The following ITGB2 variants were observed in gnomAD, a reference collection of about 807,000 sequenced individuals.
ITGB2 encodes integrin subunit beta 2.
A neutral mutation model predicts 86.8 loss-of-function variants in ITGB2; 56 were observed. The observed-to-expected ratio is 0.65, with a 90% CI of 0.52 to 0.81. The LOEUF (loss-of-function observed/expected upper bound fraction) is 0.81, where lower values mean the gene tolerates loss of function less well. ITGB2 is among the 30% of genes least tolerant of loss of function. The pLI is 0.00. For synonymous variants in ITGB2, 457 were observed against 450.4 expected, an observed-to-expected ratio of 1.01 and a Z score of -0.19; for missense variants, 948 against 1,061.2, an observed-to-expected ratio of 0.89 and a Z score of 1.48.
chr21:44,910,631 G>A (rs756176129), intron 2 of ITGB2, 94 bp downstream of exon 2: 40 of 1,490,792 alleles, frequency 2.7e-5, no homozygotes, highest in African/African-American at 9.6e-5. Context: ...CCAGCCTCCC[G>A]GGAACTTCTG....
In ITGB2 at chr21:44,891,964, C is replaced by T. The variant is rs1453330150; in HGVS notation, c.1257G>A (p.Glu419=). 1 of 1,613,194 alleles carries T rather than the reference C, an allele frequency of 6.2e-7. No homozygotes were observed. Among genetic ancestry groups the T allele is most frequent in the Admixed American group, 1.7e-5 (1 of 60,022 alleles). Residue 419 remains glutamate (E), a synonymous_variant, in exon 11 of 16, where the codon GAG becomes GAA. Transcript: ENST00000652462. ...TGACAAACGACTGCTCCTGGATGCACTCTGTGGCCGTGACCTTCACCTGGA... is the reference window on the plus strand; with the variant it reads ...TGACAAACGACTGCTCCTGGATGCATTCTGTGGCCGTGACCTTCACCTGGA... ...ITFQVKVTAT[E]CIQEQSFVIR... is the part of the protein sequence containing the mutation.
In ITGB2 at chr21:44,905,676, C is replaced by T. The variant is rs564575967; in HGVS notation, c.328+1239G>A. On this transcript the variant is annotated intron_variant, in intron 4 of 15. Transcript: ENST00000652462. ...GCACGAAGGGGCTTGTGCCTGCTCACGGGGCAGCGAGGGGCAGGCCTGACC... is the reference window on the plus strand; with the variant it reads ...GCACGAAGGGGCTTGTGCCTGCTCATGGGGCAGCGAGGGGCAGGCCTGACC... Among the ~76,000 whole-genome samples, 19 of 152,288 alleles carry T rather than the reference C, an allele frequency of 1.2e-4. No homozygotes were observed. In the South Asian group the frequency reaches 1.9e-3, roughly 15 times the overall value.
At chr21:44,916,761 G>T (rs1023017997) in intron 1 of ITGB2, among the ~76,000 whole-genome samples, 1 of 151,788 alleles carries the variant, frequency 6.6e-6, no homozygotes, top group African/African-American at 2.4e-5. Context: ...CCAGCTACTC[G>T]CGAGGCTGAG....
rs1167627847 is a variant in ITGB2 at position 44,886,610 on chromosome 21, G to A, written c.2247+126C>T. The stretch of plus-strand genomic sequence containing the variant: ...CACCCACAGCGGCGGACGCCCAGAG[G>A]ACAAGCTGCCTGGGGAGGCCGGGGT... On this transcript the variant is annotated intron_variant, in intron 15 of 15. Transcript: ENST00000652462. The A allele has an allele frequency of 1.7e-5, 25 of 1,480,798 alleles. No homozygotes were observed. The East Asian group carries it at 4.5e-4, about 27-fold the overall frequency. 91.7% of individuals were successfully genotyped at this position (1,480,798 alleles called of 1,614,324 possible). A position where few individuals can be genotyped will look rare whatever the true frequency, so the allele number is the denominator to read the frequency against.
intron 1 of ITGB2, among the ~76,000 whole-genome samples, chr21:44,926,099 C>T (rs762196593): frequency 5.9e-5 from 9 of 151,646 alleles, no homozygotes; most frequent in Non-Finnish European, 1.3e-4. Flanking sequence ...AGCGAGACTC[C>T]GTCTCAAAAA....
In ITGB2 at chr21:44,893,509, G is replaced by T; in HGVS notation, c.1119C>A (p.Ala373=). 1 of 1,614,126 alleles carries T rather than the reference G, an allele frequency of 6.2e-7. No homozygotes were observed. The highest frequency in any genetic ancestry group is 8.5e-7 in the Non-Finnish European group (1 of 1,179,984). Residue 373 remains alanine, a synonymous_variant, in exon 10 of 16, where the codon GCC becomes GCA. Coordinates refer to ENST00000652462, the MANE Select transcript of ITGB2 (RefSeq NM_000211.5). ...AGGTGACTTTCAGGGTGTCGGGGAG[G>T]GCGTTGTGATCCAGGAAGACCCTGG... ...LSSRVFLDHN[A]LPDTLKVTYD... is the part of the protein sequence containing the mutation.
chr21:44,924,240 G>A (rs1163512389), upstream of ITGB2, among the ~76,000 whole-genome samples: 1 of 150,880 alleles, frequency 6.6e-6, no homozygotes, highest in Non-Finnish European at 1.5e-5. Context: ...GACCAGCCTG[G>A]CCAACATGGC....
chr21:44,926,416 C>T (rs939098389), intron 1 of ITGB2, among the ~76,000 whole-genome samples: 1 of 152,218 alleles, frequency 6.6e-6, no homozygotes, highest in Non-Finnish European at 1.5e-5. Context: ...ACAGGCTCCA[C>T]GGAGCCGGGA....
At chr21:44,920,248 ACAC>A (rs778634717) in intron 1 of ITGB2, among the ~76,000 whole-genome samples, 25 of 152,214 alleles carry the variant, frequency 1.6e-4, no homozygotes, top group Admixed American at 2.6e-4. Context: ...GCACACACAC[ACAC>A]CACACTACGC....
chr21:44,913,547 T>TG (rs980091763), intron 1 of ITGB2, among the ~76,000 whole-genome samples: 1 of 152,174 alleles, frequency 6.6e-6, no homozygotes, highest in African/African-American at 2.4e-5. Flanking sequence ...TGAGCAGCCC[T>TG]GGGGGGCTTG....
chr21:44,923,357 A>G (rs1041244238), upstream of ITGB2, among the ~76,000 whole-genome samples: 1 of 151,072 alleles, frequency 6.6e-6, no homozygotes, highest in Non-Finnish European at 1.5e-5. Context: ...AAGTGTGACA[A>G]TGGTTTGTGG....
intron 4 of ITGB2, 60 bp from the exon 5 acceptor site, chr21:44,903,595 G>A: frequency 1.2e-6 from 2 of 1,603,600 alleles, no homozygotes; most frequent in Non-Finnish European, 8.5e-7. Flanking sequence ...GGTGTCTGGG[G>A]GCGTGTGGCC....
At chr21:44,918,968 G>T (rs58315513) in intron 1 of ITGB2, among the ~76,000 whole-genome samples, 5 of 94,708 alleles carry the variant, frequency 5.3e-5, no homozygotes, top group African/African-American at 1.2e-4. Flanking sequence ...GGAGCTGAGC[G>T]TCCCCTCTCC....
intron 9 of ITGB2, 120 bp downstream of exon 9, chr21:44,894,851 C>T: frequency 1.3e-6 from 1 of 771,996 alleles, no homozygotes; most frequent in East Asian, 2.6e-5. Context: ...GCAGCTGGCC[C>T]ACGGGGCAGG....
At chr21:44,908,295 A>G in intron 3 of ITGB2, 1 of 523,806 alleles carries the variant, frequency 1.9e-6, no homozygotes, top group Non-Finnish European at 3.5e-6. Flanking sequence ...CTAGTTTATA[A>G]GACAGGAGAA....
Position 44,886,212 on chromosome 21 carries a change from A to AGGT in ITGB2, c.*155_*156insACC. 8.2e-6 allele frequency: 6 copies of AGGT among 728,390 alleles called. No homozygotes were observed. The highest frequency in any genetic ancestry group is 4.1e-5 in the Admixed American group (2 of 49,072). 45.1% of individuals were successfully genotyped at this position (728,390 alleles called of 1,614,324 possible). ...GCTGTCCCCCCGACGAGCCCCCAGA[A>AGGT]GCACCCGGCCGGCCATGGCTGTCAT... On this transcript the variant is annotated 3_prime_UTR_variant, in exon 16 of 16. Coordinates refer to ENST00000652462, the MANE Select transcript of ITGB2 (RefSeq NM_000211.5).
intron 6 of ITGB2, among the ~76,000 whole-genome samples, 178 bp from the exon 7 acceptor site, chr21:44,900,653 C>A (rs1250185891): frequency 8.5e-6 from 1 of 117,780 alleles, no homozygotes. Context: ...CAGGAGGAGA[C>A]AACGGCCCTC....
chr21:44,889,228 C>T (rs780943830), intron 13 of ITGB2, 48 bp downstream of exon 13: 29 of 1,577,732 alleles, frequency 1.8e-5, no homozygotes, highest in Middle Eastern at 3.7e-4. Context: ...GGTAGGTGGC[C>T]GGGGAGTGGG....
At chr21:44,901,777 C>G (rs776990667) in intron 5 of ITGB2, 44 bp from the exon 6 acceptor site, 1 of 1,582,348 alleles carries the variant, frequency 6.3e-7, no homozygotes. Flanking sequence ...AGGCTGGGCC[C>G]AGGTGGGAGG....
Sources: gnomAD v4.1 joint callset for allele counts (sites outside exome capture counted in the v4.1 genomes callset) on GRCh38, gnomAD v4.1.1 for gene constraint, MANE v1.5 for transcripts, NCBI Gene and HGNC (gene_info 2026-07-23, HGNC 2026-07-21) for gene names.